RNU4-2: variants seen among roughly 807,000 people sequenced by gnomAD.
The protein encoded by RNU4-2 is RNA, U4 small nuclear 1B.
chr12:120,291,860 T>TG (rs1248312669), exon 1 of RNU4-2: 1 of 152,234 alleles, frequency 6.6e-6, no homozygotes, highest in East Asian at 1.9e-4. Flanking sequence ...TAATCGCGCC[T>TG]CGGATAAACC....
chr12:120,291,768 G>C (rs749327306), exon 1 of RNU4-2: 4 of 152,110 alleles, frequency 2.6e-5, no homozygotes, highest in African/African-American at 4.8e-5. Flanking sequence ...TTCAGTCTCC[G>C]TAGAGACTGT....
exon 1 of RNU4-2, chr12:120,291,873 A>C (rs1402092900): frequency 6.6e-6 from 1 of 152,088 alleles, no homozygotes; most frequent in Admixed American, 6.6e-5. Flanking sequence ...GATAAACCTC[A>C]TTGGCTACGA....
chr12:120,291,845 A>G (rs192836515), exon 1 of RNU4-2: 12 of 152,282 alleles, frequency 7.9e-5, no homozygotes, highest in Admixed American at 5.9e-4. Flanking sequence ...GTTTTCAATT[A>G]GCAATAATCG....
exon 1 of RNU4-2, chr12:120,291,779 C>CA (rs1179270266): frequency 6.6e-6 from 1 of 152,128 alleles, no homozygotes. Flanking sequence ...TAGAGACTGT[C>CA]AAAAATTGCC....
At chr12:120,291,880 A>G (rs952185514) in exon 1 of RNU4-2, 1 of 152,140 alleles carries the variant, frequency 6.6e-6, no homozygotes, top group African/African-American at 2.4e-5. Context: ...CTCATTGGCT[A>G]CGATACTGCC....
rs1224529843 is a variant in RNU4-2, at chr12:120,291,871, T to C, written n.33A>G. The C allele has an allele frequency of 6.6e-6, 1 of 152,138 alleles. No individual in the cohort carries two copies. Among genetic ancestry groups the C allele is most frequent in the South Asian group, 2.1e-4 (1 of 4,828 alleles). 9.4% of individuals were successfully genotyped at this position (152,138 alleles called of 1,614,324 possible). ...GCAATAATCGCGCCTCGGATAAACCTCATTGGCTACGATACTGCCACTGCG... is the reference window on the plus strand; with the variant it reads ...GCAATAATCGCGCCTCGGATAAACCCCATTGGCTACGATACTGCCACTGCG... On this transcript the variant is annotated non_coding_transcript_exon_variant, in exon 1 of 1. Coordinates refer to ENST00000365668, the Ensembl canonical transcript of RNU4-2.
chr12:120,291,824 T>C (rs1005382642), exon 1 of RNU4-2: 1 of 151,574 alleles, frequency 6.6e-6, no homozygotes, highest in African/African-American at 2.4e-5. Flanking sequence ...CATGGCGGGG[T>C]ATTGGGAAAA....
chr12:120,291,810 T>C (rs368060109), exon 1 of RNU4-2: 8 of 152,300 alleles, frequency 5.3e-5, no homozygotes, highest in Middle Eastern at 3.4e-3. Context: ...ATATTTCAAG[T>C]CGTCATGGCG....
chr12:120,291,806 C>T (rs568537588), exon 1 of RNU4-2: 2 of 152,302 alleles, frequency 1.3e-5, no homozygotes, highest in African/African-American at 2.4e-5. Flanking sequence ...GACTATATTT[C>T]AAGTCGTCAT....
At chr12:120,291,784 A>G (rs1223877327) in exon 1 of RNU4-2, 1 of 152,188 alleles carries the variant, frequency 6.6e-6, no homozygotes, top group Non-Finnish European at 1.5e-5. Flanking sequence ...ACTGTCAAAA[A>G]TTGCCAATGC....
At chr12:120,291,812 G>A (rs550542761) in exon 1 of RNU4-2, 18 of 152,106 alleles carry the variant, frequency 1.2e-4, no homozygotes, top group East Asian at 1.9e-4. Context: ...ATTTCAAGTC[G>A]TCATGGCGGG....
In RNU4-2 at chr12:120,291,859, C is replaced by G. The variant is rs1222177579; in HGVS notation, n.45G>C. 1 of 152,136 alleles carries G rather than the reference C, an allele frequency of 6.6e-6. No homozygotes were observed. Among genetic ancestry groups the G allele is most frequent in the Non-Finnish European group, 1.5e-5 (1 of 68,042 alleles). 9.4% of individuals were successfully genotyped at this position (152,136 alleles called of 1,614,324 possible). A position where few individuals can be genotyped will look rare whatever the true frequency, so the allele number is the denominator to read the frequency against. On this transcript the variant is annotated non_coding_transcript_exon_variant, in exon 1 of 1. Coordinates refer to ENST00000365668, the Ensembl canonical transcript of RNU4-2. ...AGTTTTCAATTAGCAATAATCGCGCCTCGGATAAACCTCATTGGCTACGAT... is the reference window on the plus strand; with the variant it reads ...AGTTTTCAATTAGCAATAATCGCGCGTCGGATAAACCTCATTGGCTACGAT...
At chr12:120,291,762 G>A (rs1036511788), downstream of RNU4-2, 8 of 152,086 alleles carry the variant, frequency 5.3e-5, no homozygotes, top group Admixed American at 2.0e-4. Flanking sequence ...TAAAAATTCA[G>A]TCTCCGTAGA....
chr12:120,291,890 C>A (rs561549718), exon 1 of RNU4-2: 1 of 152,104 alleles, frequency 6.6e-6, no homozygotes, highest in Admixed American at 6.6e-5. Flanking sequence ...ACGATACTGC[C>A]ACTGCGCAAA....
At chr12:120,291,850 T>A (rs1429747184) in exon 1 of RNU4-2, 1 of 152,142 alleles carries the variant, frequency 6.6e-6, no homozygotes, top group Non-Finnish European at 1.5e-5. Context: ...CAATTAGCAA[T>A]AATCGCGCCT....
Position 120,291,863 on chromosome 12 carries a change from G to C in RNU4-2, n.41C>G, listed in dbSNP as rs573098029. On this transcript the variant is annotated non_coding_transcript_exon_variant, in exon 1 of 1. Transcript: ENST00000365668. ...TTCAATTAGCAATAATCGCGCCTCG[G>C]ATAAACCTCATTGGCTACGATACTG... The C allele has an allele frequency of 6.6e-6, 1 of 152,132 alleles. No individual in the cohort carries two copies. Among genetic ancestry groups the C allele is most frequent in the African/African-American group, 2.4e-5 (1 of 41,426 alleles). The allele number at this position is 152,132 out of a possible 1,614,324, so 9.4% of individuals were successfully genotyped here. A position where few individuals can be genotyped will look rare whatever the true frequency, so the allele number is the denominator to read the frequency against.
chr12:120,291,869 C>G (rs991443026), exon 1 of RNU4-2: 1 of 152,094 alleles, frequency 6.6e-6, no homozygotes, highest in African/African-American at 2.4e-5. Context: ...CTCGGATAAA[C>G]CTCATTGGCT....
chr12:120,291,892 C>G (rs941221929), exon 1 of RNU4-2: 1 of 152,156 alleles, frequency 6.6e-6, no homozygotes, highest in African/African-American at 2.4e-5. Context: ...GATACTGCCA[C>G]TGCGCAAAGC....
chr12:120,291,767 C>T (rs541522016), exon 1 of RNU4-2: 16 of 152,244 alleles, frequency 1.1e-4, no homozygotes, highest in South Asian at 2.1e-4. Flanking sequence ...ATTCAGTCTC[C>T]GTAGAGACTG....
Sources: allele counts gnomAD v4.1 joint callset, GRCh38; gene constraint gnomAD v4.1.1; transcripts MANE v1.5; gene names NCBI Gene and HGNC (gene_info 2026-07-23, HGNC 2026-07-21).